Variants in LNPK observed in about 807,000 individuals in gnomAD.
The protein encoded by LNPK is lunapark, ER junction formation factor, also known as endoplasmic reticulum junction formation protein lunapark.
Under a neutral mutation model 55.2 loss-of-function variants are expected in LNPK, and 29 were observed. The ratio of observed to expected loss-of-function variants is 0.53; its 90% CI spans 0.39 to 0.72. The LOEUF is 0.72. Among genes scored for constraint, LNPK ranks in the 30% least tolerant of loss-of-function variants. The pLI is 0.00. For missense variants in LNPK, 467 were observed against 494.8 expected, an observed-to-expected ratio of 0.94 and a Z score of 0.53; for synonymous variants, 162 against 168.2, an observed-to-expected ratio of 0.96 and a Z score of 0.29.
chr2:175,954,857 G>C (rs1027823016), intron 8 of LNPK, among the ~76,000 whole-genome samples: 2 of 152,134 alleles, frequency 1.3e-5, no homozygotes, highest in Admixed American at 1.3e-4. Flanking sequence ...CATTGAAGGG[G>C]ATTCAGAGTT....
At chr2:175,963,421 T>C (rs1686164328) in intron 8 of LNPK, among the ~76,000 whole-genome samples, 1 of 151,996 alleles carries the variant, frequency 6.6e-6, no homozygotes, top group African/African-American at 2.4e-5. Flanking sequence ...TGGATGAAAT[T>C]GGAAATCATC....
At chr2:175,938,236 G>T in intron 11 of LNPK, 77 bp downstream of exon 11, 2 of 863,032 alleles carry the variant, frequency 2.3e-6, no homozygotes, top group South Asian at 3.2e-5. Context: ...AAAATAAAAT[G>T]ACACTGCATA....
intron 8 of LNPK, among the ~76,000 whole-genome samples, chr2:175,955,278 G>A (rs1301113468): frequency 6.6e-6 from 1 of 152,142 alleles, no homozygotes; most frequent in Non-Finnish European, 1.5e-5. Flanking sequence ...ATGCTCCCTG[G>A]TCTTGGAACC....
In LNPK at chr2:175,967,316, G is replaced by GA. The variant is rs565035742; in HGVS notation, c.358-2728_358-2727insT. The stretch of plus-strand genomic sequence containing the variant: ...CTATTAAGAGTCAACATTGTGATGA[G>GA]TTATATTTCTATAACATGTAAAAAT... On this transcript the variant is annotated intron_variant, in intron 6 of 12. Coordinates refer to ENST00000272748, the MANE Select transcript of LNPK (RefSeq NM_030650.3). Among the ~76,000 whole-genome samples, 159 of 152,112 alleles carry GA rather than the reference G, an allele frequency of 1.0e-3. 1 individual carries two copies. The highest frequency in any genetic ancestry group is 3.4e-3 in the African/African-American group (142 of 41,496).
chr2:176,002,298 C>T (rs557820153), upstream of LNPK: 26 of 437,136 alleles, frequency 5.9e-5, no homozygotes, highest in African/African-American at 4.2e-4. Context: ...CATGAAACCC[C>T]GCGCTCCAGC....
chr2:175,988,241 C>T (rs1037210784), intron 4 of LNPK, among the ~76,000 whole-genome samples: 1 of 151,980 alleles, frequency 6.6e-6, no homozygotes, highest in African/African-American at 2.4e-5. Context: ...GTGGCTCATG[C>T]CTGTAATACC....
intron 9 of LNPK, among the ~76,000 whole-genome samples, chr2:175,940,441 A>G (rs1004520873): frequency 3.1e-4 from 47 of 152,108 alleles, no homozygotes; most frequent in Non-Finnish European, 6.6e-4. Flanking sequence ...GGAGGAAAAA[A>G]ACTACTCAAA....
At chr2:175,958,261 A>G (rs1685799433) in intron 8 of LNPK, among the ~76,000 whole-genome samples, 1 of 152,184 alleles carries the variant, frequency 6.6e-6, no homozygotes, top group South Asian at 2.1e-4. Context: ...TGCCTCCTCA[A>G]GTGGGTCCCT....
intron 12 of LNPK, 56 bp from the exon 13 acceptor site, chr2:175,930,255 T>C: frequency 7.4e-7 from 1 of 1,347,360 alleles, no homozygotes; most frequent in Non-Finnish European, 1.0e-6. Context: ...AACTGCTAAA[T>C]AAGGCAAGCA....
intron 6 of LNPK, among the ~76,000 whole-genome samples, chr2:175,966,983 C>G (rs566143735): frequency 1.1e-4 from 16 of 152,254 alleles, no homozygotes; most frequent in African/African-American, 3.8e-4. Flanking sequence ...CTGAAACAAA[C>G]TATTTCCAAA....
chr2:175,961,835 G>A (rs950093109), intron 8 of LNPK, among the ~76,000 whole-genome samples: 5 of 152,184 alleles, frequency 3.3e-5, no homozygotes, highest in African/African-American at 1.2e-4. Flanking sequence ...TCCCTAAGCT[G>A]ATAAGCAATT....
At chr2:175,965,253 T>C (rs893032129) in intron 6 of LNPK, among the ~76,000 whole-genome samples, 6 of 152,212 alleles carry the variant, frequency 3.9e-5, no homozygotes, top group East Asian at 1.9e-4. Flanking sequence ...CTAGGGACTA[T>C]AATTAAATCA....
chr2:175,941,721 G>A (rs1325391143), intron 9 of LNPK, among the ~76,000 whole-genome samples: 1 of 150,314 alleles, frequency 6.7e-6, no homozygotes, highest in Non-Finnish European at 1.5e-5. Context: ...AACCTGGGAG[G>A]TGGAGGTTGC....
intron 6 of LNPK, among the ~76,000 whole-genome samples, chr2:175,967,452 T>A (rs1187964909): frequency 2.0e-5 from 3 of 152,178 alleles, no homozygotes; most frequent in African/African-American, 7.2e-5. Context: ...TCTACAAATA[T>A]TTAATACTAA....
chr2:175,958,263 T>C (rs1333503031), intron 8 of LNPK, among the ~76,000 whole-genome samples: 1 of 152,204 alleles, frequency 6.6e-6, no homozygotes, highest in Non-Finnish European at 1.5e-5. Context: ...CCTCCTCAAG[T>C]GGGTCCCTGA....
chr2:175,974,958 C>T lies in LNPK; in HGVS notation c.317-4154G>A, dbSNP rs544978227. ...ATTACATAAGTTAAAAATATTCATA[C>T]ATTTGATTTCCTTAAAGAAGTGTTC... On this transcript the variant is annotated intron_variant, in intron 5 of 12. Transcript: ENST00000272748. 2.7e-5 allele frequency among the ~76,000 whole-genome samples: 4 copies of T among 150,866 alleles called. No homozygotes were observed. The East Asian group carries it at 7.8e-4, about 29-fold the overall frequency.
Position 175,929,092 on chromosome 2 carries a change from G to A in LNPK, c.*875C>T, listed in dbSNP as rs191498177. ...GTCACCCACCAAGATACTGTTTGAA[G>A]AAGACTAGATATTTAGCAAAATGAA... is the stretch of plus-strand genomic sequence containing the variant. On this transcript the variant is annotated 3_prime_UTR_variant, in exon 13 of 13. Coordinates refer to ENST00000272748, the MANE Select transcript of LNPK (RefSeq NM_030650.3). 92 of 984,880 alleles carry A rather than the reference G, an allele frequency of 9.3e-5. No homozygotes were observed. The African/African-American group carries it at 1.6e-3, about 17-fold the overall frequency. The allele number at this position is 984,880 out of a possible 1,614,324, so 61.0% of individuals were successfully genotyped here.
chr2:175,974,021 T>C (rs1382543874), intron 5 of LNPK, among the ~76,000 whole-genome samples: 1 of 152,236 alleles, frequency 6.6e-6, no homozygotes, highest in East Asian at 1.9e-4. Flanking sequence ...TTTTCCCTTT[T>C]AGTTTTATGG....
rs1407504832 is a variant in LNPK, at chr2:175,992,254, G to C, written c.234C>G (p.Leu78=). 2 of 1,555,158 alleles carry C rather than the reference G, an allele frequency of 1.3e-6. No homozygotes were observed. Among genetic ancestry groups the C allele is most frequent in the Non-Finnish European group, 1.7e-6 (2 of 1,161,374 alleles). ...DEFTARLAMT[L]PFFAFPLIIW... ...ACATCAATGGAAAAGCAAAAAATGG[G>C]AGTGTCATGGCAAGTCTTGCTGTAA... The change falls in exon 4 of 13, where the codon CTC becomes CTG. Residue 78 remains leucine (L), a synonymous_variant. Coordinates refer to ENST00000272748, the MANE Select transcript of LNPK (RefSeq NM_030650.3).
Sources: gnomAD v4.1 joint callset for allele counts (sites outside exome capture counted in the v4.1 genomes callset) on GRCh38, gnomAD v4.1.1 for gene constraint, MANE v1.5 for transcripts, NCBI Gene and HGNC (gene_info 2026-07-23, HGNC 2026-07-21) for gene names.